Variants in DAGLB observed in about 807,000 individuals in gnomAD.
DAGLB encodes diacylglycerol lipase beta, also known as diacylglycerol lipase-beta.
A neutral mutation model predicts 72.1 loss-of-function variants in DAGLB; 66 were observed. The ratio of observed to expected loss-of-function variants is 0.92; its 90% CI spans 0.75 to 1.12. DAGLB has a LOEUF of 1.12. Among genes scored for constraint, DAGLB ranks in the 50% most tolerant of loss-of-function variants. DAGLB has a pLI of 0.00. For missense variants in DAGLB, 1,065 were observed against 884.9 expected, an observed-to-expected ratio of 1.20 and a Z score of -2.58; for synonymous variants, 414 against 359.5, an observed-to-expected ratio of 1.15 and a Z score of -1.71.
rs962896425 is a variant in DAGLB at position 6,433,058 on chromosome 7, C to T, written c.679-99G>A. 22 of 1,487,980 alleles carry T rather than the reference C, an allele frequency of 1.5e-5. No individual in the cohort carries two copies. In the African/African-American group the frequency reaches 2.8e-4, roughly 19 times the overall value. 92.2% of individuals were successfully genotyped at this position (1,487,980 alleles called of 1,614,324 possible). A position where few individuals can be genotyped will look rare whatever the true frequency, so the allele number is the denominator to read the frequency against. ...TCTATAGTTGATAGGCATTCACGCACACACAGACATTTCTAGACACAGAGG... is the reference window on the plus strand; with the variant it reads ...TCTATAGTTGATAGGCATTCACGCATACACAGACATTTCTAGACACAGAGG... On this transcript the variant is annotated intron_variant, in intron 4 of 14. Transcript: ENST00000297056.
At chr7:6,421,176 G>T (rs1784104741) in intron 9 of DAGLB, among the ~76,000 whole-genome samples, 1 of 152,208 alleles carries the variant, frequency 6.6e-6, no homozygotes. Context: ...CACAGAGCTG[G>T]GCTCAAATGC....
At position 6,410,367 on chromosome 7, in the gene DAGLB, A is replaced by G; in HGVS notation, c.1583T>C (p.Leu528Pro). The G allele has an allele frequency of 6.2e-7, 1 of 1,612,758 alleles. No homozygotes were observed. Among genetic ancestry groups the G allele is most frequent in the Non-Finnish European group, 8.5e-7 (1 of 1,179,262 alleles). ...AAACAGTTCGTACCACAAACCGTGC[A>G]GCAAGATCTTGTACTGAGGGCGAGA... ...HCNKPKYKILLHGLWYELFGG... is the reference protein window; with the variant it reads ...HCNKPKYKILPHGLWYELFGG... The change falls in exon 14 of 15, where the codon CTG becomes CCG. Residue 528 changes from leucine to proline, a missense_variant. Coordinates refer to ENST00000297056, the MANE Select transcript of DAGLB (RefSeq NM_139179.4).
intron 2 of DAGLB, among the ~76,000 whole-genome samples, chr7:6,438,529 A>G (rs540791845): frequency 2.6e-5 from 4 of 152,108 alleles, no homozygotes; most frequent in East Asian, 1.9e-4. Context: ...GGAGCTTGTT[A>G]TAACAATAGC....
rs771398959 is a variant in DAGLB at position 6,409,906 on chromosome 7, G to A, written c.1950C>T (p.Ser650=). The A allele has an allele frequency of 2.3e-5, 37 of 1,614,090 alleles. No individual in the cohort carries two copies. The highest frequency in any genetic ancestry group is 4.5e-5 in the East Asian group (2 of 44,878). ...CGCAGGCCGCTCTGTCGGAGACCAC[G>A]CTGTCCAAGGCCCGCATCAGGATGT... ...MPDILMRALD[S]VVSDRAACVS... The change falls in exon 15 of 15, where the codon AGC becomes AGT. Residue 650 remains serine (S), a synonymous_variant. Transcript: ENST00000297056.
Position 6,444,435 on chromosome 7 carries a change from C to G in DAGLB, c.247+1518G>C, listed in dbSNP as rs1784932686. On this transcript the variant is annotated intron_variant, in intron 2 of 14. Transcript: ENST00000297056. ...TGACCAACATGGTAAAACCGCATCT[C>G]TACTAAAAATACAAAAATTAGCCAG... 1.3e-5 allele frequency among the ~76,000 whole-genome samples: 2 copies of G among 152,010 alleles called. 1 individual carries two copies. The highest frequency in any genetic ancestry group is 2.9e-5 in the Non-Finnish European group (2 of 68,006).
chr7:6,443,554 G>T (rs141630855), intron 2 of DAGLB, among the ~76,000 whole-genome samples: 2 of 152,160 alleles, frequency 1.3e-5, no homozygotes, highest in African/African-American at 4.8e-5. Context: ...AAACCCTAAG[G>T]TCTTTTTCTC....
chr7:6,433,834 A>G (rs1446900770), intron 4 of DAGLB, among the ~76,000 whole-genome samples: 1 of 145,620 alleles, frequency 6.9e-6, no homozygotes, highest in East Asian at 2.1e-4. Context: ...CCCGGGTGAC[A>G]AAACGAGACC....
At position 6,430,552 on chromosome 7, in the gene DAGLB, G is replaced by C. The variant is rs762877574; in HGVS notation, c.857C>G (p.Ala286Gly). ...ENCHHYMQFA[A>G]AAYGWPLYIY... ...GTAGAGGGGCCACCCATAGGCCGCT[G>C]CTGCAAACTGCATGTAATGATGGCA... is the stretch of plus-strand genomic sequence containing the variant. Residue 286 changes from alanine (A) to glycine (G), a missense_variant, in exon 6 of 15, where the codon GCA becomes GGA. Ala to Gly is a moderately conservative substitution (Grantham distance 60, BLOSUM62 0). Coordinates refer to ENST00000297056, the MANE Select transcript of DAGLB (RefSeq NM_139179.4). 4 of 1,604,162 alleles carry C rather than the reference G, an allele frequency of 2.5e-6. No individual in the cohort carries two copies. Among genetic ancestry groups the C allele is most frequent in the Non-Finnish European group, 3.4e-6 (4 of 1,173,402 alleles).
intron 2 of DAGLB, among the ~76,000 whole-genome samples, chr7:6,443,017 CA>C (rs71008392): frequency 0.5 from 60,854 of 120,810 alleles, 14,922 homozygotes; most frequent in Middle Eastern, 0.66. Flanking sequence ...TCTAAAAATA[CA>C]AAAAAAAAAA....
intron 3 of DAGLB, among the ~76,000 whole-genome samples, 164 bp downstream of exon 3, chr7:6,436,198 G>T (rs1562487469): frequency 6.6e-6 from 1 of 152,118 alleles, no homozygotes; most frequent in African/African-American, 2.4e-5. Context: ...GTATTTCATG[G>T]ACAAACAGTG....
At chr7:6,430,784 ATTT>A (rs780854000) in intron 5 of DAGLB, among the ~76,000 whole-genome samples, 177 bp from the exon 6 acceptor site, 2 of 141,372 alleles carry the variant, frequency 1.4e-5, no homozygotes, top group Non-Finnish European at 1.6e-5. Flanking sequence ...TGGACTCCTC[ATTT>A]TTTTTTTTTT....
intron 5 of DAGLB, among the ~76,000 whole-genome samples, chr7:6,431,135 C>T: frequency 6.6e-6 from 1 of 151,710 alleles, no homozygotes; most frequent in Non-Finnish European, 1.5e-5. Flanking sequence ...AAAAACACTC[C>T]AATGACTTCT....
chr7:6,426,214 C>A (rs568275313), intron 6 of DAGLB, 100 bp from the exon 7 acceptor site: 16 of 1,539,602 alleles, frequency 1.0e-5, no homozygotes, highest in Non-Finnish European at 1.4e-5. Context: ...AGGACCAGAG[C>A]GGACAATTCT....
At chr7:6,433,088 T>C (rs1784541429) in intron 4 of DAGLB, 129 bp from the exon 5 acceptor site, 5 of 1,354,256 alleles carry the variant, frequency 3.7e-6, no homozygotes, top group Non-Finnish European at 4.8e-6. Context: ...CAGAGGTATG[T>C]TAAAAAGACT....
intron 8 of DAGLB, chr7:6,422,191 G>C (rs1386821941): frequency 1.1e-5 from 4 of 356,262 alleles, no homozygotes; most frequent in Non-Finnish European, 2.2e-5. Flanking sequence ...AGGAGGCCTA[G>C]ACTAGCACCA....
intron 1 of DAGLB, among the ~76,000 whole-genome samples, chr7:6,447,155 A>G (rs764737878): frequency 1.3e-5 from 2 of 152,208 alleles, no homozygotes; most frequent in Non-Finnish European, 2.9e-5. Context: ...CTACTTTTGC[A>G]TAACAATGAT....
At chr7:6,445,398 C>A (rs907696368) in intron 2 of DAGLB, among the ~76,000 whole-genome samples, 1 of 152,298 alleles carries the variant, frequency 6.6e-6, no homozygotes, top group East Asian at 1.9e-4. Context: ...ATAAATTCCA[C>A]TTATATGATG....
intron 8 of DAGLB, chr7:6,422,753 G>A (rs1784173429): frequency 6.6e-6 from 1 of 152,436 alleles, no homozygotes; most frequent in Non-Finnish European, 1.5e-5. Context: ...GGGAAGGAAT[G>A]AAAACCTAAC....
intron 3 of DAGLB, among the ~76,000 whole-genome samples, chr7:6,435,773 C>G (rs758481906): frequency 3.9e-5 from 6 of 152,176 alleles, no homozygotes; most frequent in Admixed American, 6.6e-5. Flanking sequence ...GGAGCACACG[C>G]AACCGGGAAA....
Sources: allele counts gnomAD v4.1 joint callset (sites outside exome capture counted in the v4.1 genomes callset), GRCh38; gene constraint gnomAD v4.1.1; transcripts MANE v1.5; gene names NCBI Gene and HGNC (gene_info 2026-07-23, HGNC 2026-07-21).